UIMC1: variants seen among roughly 807,000 people sequenced by gnomAD.
UIMC1 encodes the protein ubiquitin interaction motif containing 1.
UIMC1 carries 42 observed loss-of-function variants against 84.9 expected under a neutral mutation model. The ratio of observed to expected loss-of-function variants is 0.49; its 90% confidence interval spans 0.39 to 0.64. The LOEUF is 0.64. Ranked by LOEUF, UIMC1 falls within the 30% of genes least tolerant of loss-of-function variation. The probability of loss-of-function intolerance (pLI) is 0.00; values close to 1 mark genes in which losing one functional copy is unlikely to be tolerated. For synonymous variants in UIMC1, 281 were observed against 293.0 expected, an observed-to-expected ratio of 0.96 and a Z score of 0.42; for missense variants, 825 against 847.6, an observed-to-expected ratio of 0.97 and a Z score of 0.33.
At chr5:176,957,442 A>G (rs1290969355) in intron 7 of UIMC1, among the ~76,000 whole-genome samples, 1 of 152,222 alleles carries the variant, frequency 6.6e-6, no homozygotes. Context: ...ACTGCTATCT[A>G]TTATTAAAGT....
chr5:176,974,051 C>A (rs1769674327), intron 3 of UIMC1, among the ~76,000 whole-genome samples: 2 of 151,938 alleles, frequency 1.3e-5, no homozygotes, highest in Admixed American at 1.3e-4. Context: ...AGAGTAGGAC[C>A]CTGCCTCAAA....
At chr5:176,995,796 T>C (rs1382801153) in intron 1 of UIMC1, among the ~76,000 whole-genome samples, 2 of 128,094 alleles carry the variant, frequency 1.6e-5, no homozygotes, top group African/African-American at 3.1e-5. Flanking sequence ...TGAGCCGAGA[T>C]CATGCCATTG....
Position 176,910,791 on chromosome 5 carries a change from TAAGAAA to T in UIMC1, c.1676+514_1676+519del, listed in dbSNP as rs201316700. Among the ~76,000 whole-genome samples the T allele has an allele frequency of 6.8e-3, 1,034 of 152,020 alleles. 15 individuals are homozygous for T. Among genetic ancestry groups the T allele is most frequent in the African/African-American group, 0.024 (991 of 41,492 alleles). The stretch of plus-strand genomic sequence containing the variant: ...CACCTACACTGACAGAGACTAGGAA[TAAGAAA>T]AAGAAATTCAGGGCTGGGCACAGTG... On this transcript the variant is annotated intron_variant, in intron 11 of 14. Coordinates refer to ENST00000511320, the MANE Select transcript of UIMC1 (RefSeq NM_001199298.2).
rs1479561928 is a variant in UIMC1 at position 176,970,804 on chromosome 5, C to G, written c.295G>C (p.Val99Leu). The G allele has an allele frequency of 6.8e-6, 11 of 1,614,136 alleles. No homozygotes were observed. Among genetic ancestry groups the G allele is most frequent in the Non-Finnish European group, 7.6e-6 (9 of 1,180,044 alleles). The change falls in exon 4 of 15, where the codon GTG becomes CTG. Residue 99 changes from valine to leucine, a missense_variant. By Grantham distance (32) the Val-to-Leu change is conservative. Coordinates refer to ENST00000511320, the MANE Select transcript of UIMC1 (RefSeq NM_001199298.2). ...LKMSEQEARE[V>L]NSQEEEEEEL... The stretch of plus-strand genomic sequence containing the variant: ...TCTTCTTCCTCCTCCTGGCTGTTCA[C>G]CTCCCTAGCTTCCTGCTCACTCATT...
In UIMC1 at chr5:176,943,493, A is replaced by C; in HGVS notation, c.1444-5T>G. 1 of 1,613,730 alleles carries C rather than the reference A, an allele frequency of 6.2e-7. No homozygotes were observed. The highest frequency in any genetic ancestry group is 8.5e-7 in the Non-Finnish European group (1 of 1,179,756). On this transcript the variant is annotated splice_region_variant and splice_polypyrimidine_tract_variant and intron_variant, in intron 9 of 14. Coordinates refer to ENST00000511320, the MANE Select transcript of UIMC1 (RefSeq NM_001199298.2). The stretch of plus-strand genomic sequence containing the variant: ...AGCATCTTCCTTGTTACCAACCTGA[A>C]GAACATGACAAACAGCAATCATAAC...
intron 11 of UIMC1, among the ~76,000 whole-genome samples, chr5:176,910,498 G>C (rs944162122): frequency 2.6e-5 from 4 of 152,068 alleles, no homozygotes; most frequent in Admixed American, 6.5e-5. Flanking sequence ...CTTCCTAATG[G>C]GGCTGAATAA....
intron 4 of UIMC1, 168 bp downstream of exon 4, chr5:176,970,574 G>C (rs927707880): frequency 9.7e-7 from 1 of 1,028,648 alleles, no homozygotes; most frequent in African/African-American, 1.6e-5. Flanking sequence ...ACTTTAAATT[G>C]GGTTAACCAA....
At chr5:177,014,620 C>A (rs535926882) in intron 1 of UIMC1, among the ~76,000 whole-genome samples, 1 of 152,182 alleles carries the variant, frequency 6.6e-6, no homozygotes, top group Admixed American at 6.6e-5. Flanking sequence ...TCGCTTGAAC[C>A]TGGGAGGGCA....
intron 10 of UIMC1, among the ~76,000 whole-genome samples, chr5:176,939,738 G>A (rs753901087): frequency 4.6e-5 from 7 of 152,126 alleles, no homozygotes; most frequent in East Asian, 3.8e-4. Context: ...TGAGCAACAC[G>A]TGACTATATT....
In UIMC1 at chr5:176,972,129, G is replaced by A. The variant is rs187345268; in HGVS notation, c.233-1263C>T. 6.5e-3 allele frequency among the ~76,000 whole-genome samples: 986 copies of A among 152,188 alleles called. 6 individuals are homozygous for A. Among genetic ancestry groups the A allele is most frequent in the Admixed American group, 8.0e-3 (122 of 15,298 alleles). On this transcript the variant is annotated intron_variant, in intron 3 of 14. Transcript: ENST00000511320. Reference sequence around the variant, plus strand: ...TATAGAATTATTACAGGCCAGGCGCGGTGGCTCACGCCTGTAATCCCAGCA... The same window carrying A: ...TATAGAATTATTACAGGCCAGGCGCAGTGGCTCACGCCTGTAATCCCAGCA...
At chr5:176,932,881 T>A (rs1019503381) in intron 10 of UIMC1, among the ~76,000 whole-genome samples, 1 of 149,168 alleles carries the variant, frequency 6.7e-6, no homozygotes, top group Non-Finnish European at 1.5e-5. Context: ...TTTTTTTTTT[T>A]ACAGGAATGG....
At chr5:176,942,260 T>C (rs1480620981) in intron 10 of UIMC1, among the ~76,000 whole-genome samples, 2 of 152,218 alleles carry the variant, frequency 1.3e-5, no homozygotes, top group African/African-American at 4.8e-5. Context: ...GTAAAATTTC[T>C]ATTAAAACAA....
chr5:176,918,080 G>C (rs1246316369), intron 10 of UIMC1, among the ~76,000 whole-genome samples: 2 of 152,216 alleles, frequency 1.3e-5, no homozygotes, highest in Non-Finnish European at 2.9e-5. Flanking sequence ...CATTGCACAA[G>C]TTCCCATTGG....
intron 10 of UIMC1, among the ~76,000 whole-genome samples, chr5:176,925,789 G>C (rs1762321009): frequency 3.3e-5 from 5 of 152,010 alleles, no homozygotes. Flanking sequence ...AGATATGAGG[G>C]AATCTTCCAG....
intron 2 of UIMC1, among the ~76,000 whole-genome samples, chr5:176,980,710 T>C (rs1035100576): frequency 2.6e-5 from 4 of 152,188 alleles, no homozygotes; most frequent in African/African-American, 9.6e-5. Context: ...TTAATATTTT[T>C]ATTTTTGTTA....
In UIMC1 at chr5:176,969,678, G is replaced by A. The variant is rs1407185717; in HGVS notation, c.386C>T (p.Thr129Ile). 3 of 1,614,024 alleles carry A rather than the reference G, an allele frequency of 1.9e-6. No homozygotes were observed. The highest frequency in any genetic ancestry group is 1.3e-5 in the African/African-American group (1 of 74,894). The change falls in exon 5 of 15, where the codon ACC becomes ATC. Residue 129 changes from threonine to isoleucine, a missense_variant. Coordinates refer to ENST00000511320, the MANE Select transcript of UIMC1 (RefSeq NM_001199298.2). ...TCCAGTGGCCAGAGGTCGAGATCTG[G>A]TAGCGGAAGCATCAGAAGGCCGGCA... ...NSCRPSDASA[T>I]RSRPLATGPS...
At chr5:176,942,621 C>A (rs943880485) in intron 10 of UIMC1, among the ~76,000 whole-genome samples, 1 of 151,890 alleles carries the variant, frequency 6.6e-6, no homozygotes, top group South Asian at 2.1e-4. Context: ...TGGCAGGCAC[C>A]TGTAGTCCCA....
chr5:176,968,570 T>G lies in UIMC1; in HGVS notation c.1185A>C (p.Thr395=). The G allele has an allele frequency of 6.2e-7, 1 of 1,610,594 alleles. No individual in the cohort carries two copies. Among genetic ancestry groups the G allele is most frequent in the Non-Finnish European group, 8.5e-7 (1 of 1,178,638 alleles). The change falls in exon 6 of 15, where the codon ACA becomes ACC. Residue 395 remains threonine, a synonymous_variant. Coordinates refer to ENST00000511320, the MANE Select transcript of UIMC1 (RefSeq NM_001199298.2). ...TGACCCTTACCTGACCATGACTGGT[T>G]GTTGGTTCTTCCTCCAACAAAAGTT... ...KEKLLLEEEP[T]TSHGQSSQGI...
At chr5:177,021,709 A>G (rs1251187958) in intron 1 of UIMC1, among the ~76,000 whole-genome samples, 1 of 151,472 alleles carries the variant, frequency 6.6e-6, no homozygotes, top group Non-Finnish European at 1.5e-5. Flanking sequence ...CTGGGGTGCA[A>G]TGGCGCCAGC....
Sources: gnomAD v4.1 joint callset for allele counts (sites outside exome capture counted in the v4.1 genomes callset) on GRCh38, gnomAD v4.1.1 for gene constraint, MANE v1.5 for transcripts, NCBI Gene and HGNC (gene_info 2026-07-23, HGNC 2026-07-21) for gene names.